ANXA3: variants seen among roughly 807,000 people sequenced by gnomAD.
ANXA3 encodes the protein 35-alpha calcimedin.
In ANXA3, 46 loss-of-function variants were observed where a neutral mutation model predicts 48.8. The observed-to-expected ratio is 0.94, with a 90% CI of 0.74 to 1.21. The LOEUF (loss-of-function observed/expected upper bound fraction) is 1.21. ANXA3 is among the 50% of genes most tolerant of loss of function. The pLI is 0.00. For missense variants in ANXA3, 383 were observed against 378.6 expected (o/e 1.01, Z -0.10); for synonymous variants, 128 against 134.7 (o/e 0.95, Z 0.35).
At chr4:78,561,056 A>G (rs1222869374) in intron 2 of ANXA3, among the ~76,000 whole-genome samples, 3 of 152,218 alleles carry the variant, frequency 2.0e-5, no homozygotes, top group African/African-American at 7.2e-5. Context: ...AAAATGAATT[A>G]ATGTTTGGTA....
In ANXA3 at chr4:78,579,324, G is replaced by A. The variant is rs540095031; in HGVS notation, c.198+203G>A. ...TTGGGCATGTTACTTGGTCTTTCTG[G>A]GCCTCAGTTTCTTCACCTGTAGGAT... On this transcript the variant is annotated intron_variant, in intron 4 of 12. Transcript: ENST00000264908. Among the ~76,000 whole-genome samples the A allele has an allele frequency of 2.6e-5, 4 of 152,188 alleles. No individual in the cohort carries two copies. In the South Asian group the frequency reaches 8.3e-4, roughly 32 times the overall value.
rs140625130 is a variant in ANXA3 at position 78,594,851 on chromosome 4, G to A, written c.484-530G>A. Among the ~76,000 whole-genome samples, 412 of 152,230 alleles carry A rather than the reference G, an allele frequency of 2.7e-3. 2 individuals carry two copies. Among genetic ancestry groups the A allele is most frequent in the African/African-American group, 9.0e-3 (372 of 41,530 alleles). On this transcript the variant is annotated intron_variant, in intron 7 of 12. Coordinates refer to ENST00000264908, the MANE Select transcript of ANXA3 (RefSeq NM_005139.3). ...TTCTTCCACATAAGACCTCTGTGTT[G>A]GGTTGGGCACAGTGGCCCACACTTG...
chr4:78,593,762 G>C (rs2109944394), intron 7 of ANXA3, among the ~76,000 whole-genome samples: 1 of 144,426 alleles, frequency 6.9e-6, no homozygotes, highest in Admixed American at 7.0e-5. Flanking sequence ...TCAGCCTCCT[G>C]AGTAACTGGG....
At chr4:78,552,260 G>A (rs1016779599) in intron 1 of ANXA3, 2 of 152,464 alleles carry the variant, frequency 1.3e-5, no homozygotes, top group African/African-American at 4.8e-5. Flanking sequence ...AAAAAGCTGG[G>A]AGTCGGAAGG....
At chr4:78,588,229 A>G (rs149914703) in intron 6 of ANXA3, among the ~76,000 whole-genome samples, 2 of 151,922 alleles carry the variant, frequency 1.3e-5, no homozygotes, top group African/African-American at 2.4e-5. Flanking sequence ...CCGTCTCTAT[A>G]AAAAATACCA....
chr4:78,596,848 A>G (rs1234234236), intron 9 of ANXA3, among the ~76,000 whole-genome samples: 5 of 152,324 alleles, frequency 3.3e-5, no homozygotes, highest in African/African-American at 1.2e-4. Context: ...AAGAAATTCA[A>G]ATGCCTTCTG....
At chr4:78,584,079 G>C (rs1723125850) in intron 5 of ANXA3, among the ~76,000 whole-genome samples, 1 of 152,120 alleles carries the variant, frequency 6.6e-6, no homozygotes, top group Admixed American at 6.6e-5. Flanking sequence ...CTTTATACAT[G>C]ATGTTTCTTC....
chr4:78,595,500 T>C (rs1723402115), intron 8 of ANXA3, 63 bp downstream of exon 8: 1 of 1,548,354 alleles, frequency 6.5e-7, no homozygotes, highest in Non-Finnish European at 8.8e-7. Flanking sequence ...CCTTTGCATT[T>C]ATGTGAAAAG....
At chr4:78,566,453 A>ACTATG (rs1484086965) in intron 2 of ANXA3, among the ~76,000 whole-genome samples, 3 of 148,852 alleles carry the variant, frequency 2.0e-5, no homozygotes, top group Non-Finnish European at 4.5e-5. Flanking sequence ...ACTATACTAT[A>ACTATG]CTATACTATA....
At chr4:78,572,651 G>A (rs1326833454) in intron 2 of ANXA3, among the ~76,000 whole-genome samples, 3 of 152,188 alleles carry the variant, frequency 2.0e-5, no homozygotes, top group Non-Finnish European at 4.4e-5. Flanking sequence ...GGGCTGTCCA[G>A]TAGTCAGAAA....
intron 2 of ANXA3, among the ~76,000 whole-genome samples, chr4:78,563,514 G>A (rs1205398498): frequency 3.6e-5 from 3 of 83,614 alleles, no homozygotes; most frequent in East Asian, 5.4e-4. Flanking sequence ...AGAGGTCTGA[G>A]GGAGCTTGGT....
intron 4 of ANXA3, 135 bp downstream of exon 4, chr4:78,579,256 T>C: frequency 1.8e-6 from 1 of 557,994 alleles, no homozygotes. Flanking sequence ...GTCAGGAGCC[T>C]GGAATCTGAG....
intron 2 of ANXA3, among the ~76,000 whole-genome samples, chr4:78,569,511 A>C (rs1722802559): frequency 6.6e-6 from 1 of 152,192 alleles, no homozygotes; most frequent in South Asian, 2.1e-4. Flanking sequence ...CCCATAAGAG[A>C]ATTCATGGCT....
chr4:78,601,392 G>C, intron 10 of ANXA3, 118 bp from the exon 11 acceptor site: 1 of 840,020 alleles, frequency 1.2e-6, no homozygotes, highest in South Asian at 1.8e-5. Context: ...AGCCAGTTGT[G>C]GGGAGGGGAT....
At chr4:78,557,236 G>A (rs184528769) in intron 2 of ANXA3, among the ~76,000 whole-genome samples, 1 of 152,150 alleles carries the variant, frequency 6.6e-6, no homozygotes, top group African/African-American at 2.4e-5. Context: ...AACCAGCAAT[G>A]ATGCATCAAA....
intron 10 of ANXA3, among the ~76,000 whole-genome samples, chr4:78,598,238 C>A (rs1430645013): frequency 6.6e-6 from 1 of 151,426 alleles, no homozygotes; most frequent in Non-Finnish European, 1.5e-5. Flanking sequence ...GTTTGGTAAT[C>A]CACCATATTT....
At chr4:78,592,785 A>C (rs1019902846) in intron 7 of ANXA3, among the ~76,000 whole-genome samples, 1 of 152,190 alleles carries the variant, frequency 6.6e-6, no homozygotes, top group African/African-American at 2.4e-5. Context: ...TGAAGTACTT[A>C]GTGATCAACA....
chr4:78,554,518 G>C lies in ANXA3; in HGVS notation c.15+30G>C, dbSNP rs747859962. Reference sequence around the variant, plus strand: ...GTAAAAATTAAGCCTTCACAACACAGTAACATATATGAGTCAAACCAAAAC... The same window carrying C: ...GTAAAAATTAAGCCTTCACAACACACTAACATATATGAGTCAAACCAAAAC... On this transcript the variant is annotated intron_variant, in intron 2 of 12. Transcript: ENST00000264908. 4 of 1,607,488 alleles carry C rather than the reference G, an allele frequency of 2.5e-6. No individual in the cohort carries two copies. In the South Asian group the frequency reaches 4.4e-5, roughly 18 times the overall value.
At chr4:78,586,179 A>G in intron 5 of ANXA3, 81 bp from the exon 6 acceptor site, 2 of 1,037,378 alleles carry the variant, frequency 1.9e-6, no homozygotes, top group Non-Finnish European at 2.9e-6. Flanking sequence ...TTTCATCTAT[A>G]TAAACAAGAT....
Sources: allele counts gnomAD v4.1 joint callset (sites outside exome capture counted in the v4.1 genomes callset), GRCh38; gene constraint gnomAD v4.1.1; transcripts MANE v1.5; gene names NCBI Gene and HGNC (gene_info 2026-07-23, HGNC 2026-07-21).